Variants in EHMT1 observed in about 807,000 individuals in gnomAD.
EHMT1 encodes euchromatic histone lysine methyltransferase 1.
A neutral mutation model predicts 147.2 loss-of-function variants in EHMT1; 15 were observed. The ratio of observed to expected loss-of-function variants is 0.10; its 90% CI spans 0.07 to 0.16. The LOEUF is 0.16. Ranked by LOEUF, EHMT1 falls within the 10% of genes least tolerant of loss-of-function variation. EHMT1 has a pLI of 1.00. For missense variants in EHMT1, 1,587 were observed against 1,772.4 expected (o/e 0.90, Z 1.88); for synonymous variants, 795 against 709.6 (o/e 1.12, Z -1.91).
At chr9:137,625,585 G>A (rs1303485384) in intron 1 of EHMT1, among the ~76,000 whole-genome samples, 1 of 152,042 alleles carries the variant, frequency 6.6e-6, no homozygotes. Flanking sequence ...TGATCTGCCC[G>A]CCTCGGCCTC....
chr9:137,815,456 C>T (rs948283116), intron 22 of EHMT1: 2 of 247,394 alleles, frequency 8.1e-6, no homozygotes, highest in African/African-American at 4.4e-5. Context: ...CTCACACAGC[C>T]CTGGGGGAGC....
At chr9:137,664,225 A>G (rs963114260) in intron 1 of EHMT1, among the ~76,000 whole-genome samples, 2 of 151,722 alleles carry the variant, frequency 1.3e-5, no homozygotes, top group African/African-American at 4.8e-5. Context: ...TTAAAATTTG[A>G]TAACTATTGC....
intron 17 of EHMT1, chr9:137,800,399 G>A (rs770042670): frequency 7.1e-4 from 141 of 198,494 alleles, no homozygotes; most frequent in Non-Finnish European, 1.1e-3. Context: ...CTGCTCTGAT[G>A]GGGTCCCTGG....
chr9:137,741,197 C>T (rs543603637), intron 4 of EHMT1, among the ~76,000 whole-genome samples: 29 of 152,102 alleles, frequency 1.9e-4, no homozygotes, highest in Admixed American at 2.0e-4. Flanking sequence ...AGGATGGTCT[C>T]GATCTCCTGA....
intron 10 of EHMT1, among the ~76,000 whole-genome samples, chr9:137,765,607 C>G (rs72766949): frequency 6.6e-6 from 1 of 152,080 alleles, no homozygotes; most frequent in African/African-American, 2.4e-5. Context: ...TGGTAAACAC[C>G]GCCAAGGTGG....
In EHMT1 at chr9:137,813,134, C is replaced by T. The variant is rs747347498; in HGVS notation, c.2996C>T (p.Ala999Val). ...LQMSKALQDS[A>V]PDRPSPVERI... ...ATGAGCAAGGCTCTGCAGGACTCGG[C>T]CCCCGACAGGCCCAGCCCCGTGGAG... The change falls in exon 20 of 27, where the codon GCC (alanine) becomes GTC (valine). Residue 999 changes from alanine (A) to valine (V), a missense_variant. Ala to Val is a moderately conservative substitution (Grantham distance 64). Around this residue, in one of 7 missense-constraint regions of EHMT1, gnomAD observed 78 missense variants for 68.9 expected, o/e 1.13. Transcript: ENST00000460843. The surrounding 1 kb of genome is among the most constrained non-coding windows in gnomAD (Gnocchi z 4.9). The T allele has an allele frequency of 2.9e-5, 47 of 1,612,038 alleles. No individual in the cohort carries two copies. In the South Asian group the frequency reaches 3.5e-4, roughly 12 times the overall value.
At chr9:137,739,355 CAAA>C (rs58376791) in intron 4 of EHMT1, among the ~76,000 whole-genome samples, 5 of 94,472 alleles carry the variant, frequency 5.3e-5, no homozygotes, top group Admixed American at 1.2e-4. Flanking sequence ...GACTCAGTCT[CAAA>C]AAAAAAAAAA....
At chr9:137,780,112 G>GGATGTGTGGTGATGACGCTGA (rs1227623684) in intron 14 of EHMT1, among the ~76,000 whole-genome samples, 2 of 142,778 alleles carry the variant, frequency 1.4e-5, no homozygotes, top group African/African-American at 2.7e-5. Context: ...GATGACGCTG[G>GGATGTGTGGTGATGACGCTGA]GATGTGTGGT....
intron 1 of EHMT1, among the ~76,000 whole-genome samples, chr9:137,686,474 T>A (rs887226996): frequency 2.6e-5 from 4 of 151,704 alleles, no homozygotes; most frequent in Non-Finnish European, 5.9e-5. Context: ...ACTCTAGCCC[T>A]GACCTCTGGG....
In EHMT1 at chr9:137,731,341, C is replaced by T. The variant is rs983660705; in HGVS notation, c.823+2812C>T. Among the ~76,000 whole-genome samples the T allele has an allele frequency of 2.0e-5, 3 of 152,172 alleles. No individual in the cohort carries two copies. The highest frequency in any genetic ancestry group is 6.5e-5 in the Admixed American group (1 of 15,284). On this transcript the variant is annotated intron_variant, in intron 4 of 26. Transcript: ENST00000460843. The surrounding 1 kb of genome is among the most constrained non-coding windows in gnomAD (Gnocchi z 4.3). ...CCGTGTGTTGTCACCCCAGGGCTTC[C>T]GGAGTGGGCACAGAAGTTACAGTTT...
At position 137,826,171 on chromosome 9, in the gene EHMT1, TC is replaced by T. The variant is rs1955801159; in HGVS notation, c.3540+8035del. ...GGGGTGGGTGGGTGGGGCGGTGTGT[TC>T]CTGTTTCTGTGCCGTCTCCTTGCTG... On this transcript the variant is annotated intron_variant, in intron 25 of 26. Coordinates refer to ENST00000460843, the MANE Select transcript of EHMT1 (RefSeq NM_024757.5). 4.6e-5 allele frequency among the ~76,000 whole-genome samples: 7 copies of T among 152,136 alleles called. No homozygotes were observed. The South Asian group carries it at 1.5e-3, about 32-fold the overall frequency.
intron 1 of EHMT1, among the ~76,000 whole-genome samples, chr9:137,666,271 T>C (rs976999823): frequency 2.6e-5 from 4 of 152,230 alleles, no homozygotes; most frequent in African/African-American, 9.6e-5. Flanking sequence ...CTGAGGGTAC[T>C]GAGAACAGCT....
chr9:137,639,703 G>A (rs563012434), intron 1 of EHMT1, among the ~76,000 whole-genome samples: 13 of 152,148 alleles, frequency 8.5e-5, no homozygotes, highest in African/African-American at 2.9e-4. Flanking sequence ...TCAATCGAAG[G>A]GATGTCTCTT....
chr9:137,647,316 A>G (rs1385223051), intron 1 of EHMT1, among the ~76,000 whole-genome samples: 3 of 152,108 alleles, frequency 2.0e-5, no homozygotes, highest in Non-Finnish European at 4.4e-5. Flanking sequence ...CTGCATGGAA[A>G]ACTGATAGGC....
chr9:137,697,820 G>A (rs1943513570), intron 1 of EHMT1, among the ~76,000 whole-genome samples: 1 of 152,188 alleles, frequency 6.6e-6, no homozygotes, highest in Non-Finnish European at 1.5e-5. Context: ...TTTTCTCCCC[G>A]TTAAGTTTTC....
rs1198177111 is a variant in EHMT1 at position 137,800,994 on chromosome 9, TCA to T, written c.2712+14_2712+15del. 4 of 1,613,496 alleles carry T rather than the reference TCA, an allele frequency of 2.5e-6. No homozygotes were observed. In the Admixed American group the frequency reaches 6.7e-5, roughly 27 times the overall value. ...CAACATCCGAGACAACGTAAGTTCG[TCA>T]CACCCTCCCCGGGAGCCGTGTCCTG... On this transcript the variant is annotated intron_variant, in intron 18 of 26. Transcript: ENST00000460843.
intron 2 of EHMT1, chr9:137,715,923 G>C: frequency 2.3e-5 from 20 of 862,510 alleles, no homozygotes; most frequent in Non-Finnish European, 2.6e-5. Context: ...AAATGTTTAT[G>C]TTTAATATGT....
rs564712905 is a variant in EHMT1 at position 137,693,441 on chromosome 9, G to C, written c.22-17526G>C. Among the ~76,000 whole-genome samples the C allele has an allele frequency of 1.1e-4, 17 of 152,240 alleles. No individual in the cohort carries two copies. The East Asian group carries it at 3.3e-3, about 29-fold the overall frequency. On this transcript the variant is annotated intron_variant, in intron 1 of 26. Transcript: ENST00000460843. ...GTTCCCATTTTACTGCAGAGGAAAC[G>C]GGCACAGAGAGGTTAAGAAACCAAG...
At chr9:137,700,481 G>A (rs189660212) in intron 1 of EHMT1, among the ~76,000 whole-genome samples, 2 of 152,276 alleles carry the variant, frequency 1.3e-5, no homozygotes, top group East Asian at 1.9e-4. Flanking sequence ...GTGGGCATTC[G>A]GAAGAAGACA....
Sources: allele counts gnomAD v4.1 joint callset (sites outside exome capture counted in the v4.1 genomes callset), GRCh38; gene constraint gnomAD v4.1.1; regional missense constraint gnomAD v4.1.1; non-coding constraint Gnocchi (gnomAD v3.1); transcripts MANE v1.5; gene names NCBI Gene and HGNC (gene_info 2026-07-23, HGNC 2026-07-21).